FRMD4A: variants seen among roughly 807,000 people sequenced by gnomAD.
The protein encoded by FRMD4A is FERM domain containing 4A.
A neutral mutation model predicts 129.1 loss-of-function variants in FRMD4A; 29 were observed. The ratio of observed to expected loss-of-function variants is 0.22; its 90% CI spans 0.17 to 0.31. FRMD4A has a LOEUF of 0.31. Among genes scored for constraint, FRMD4A ranks in the 10% least tolerant of loss-of-function variants. The pLI, the probability that FRMD4A is intolerant of heterozygous loss-of-function variation, is 1.00. For missense variants in FRMD4A, 1,272 were observed against 1,375.8 expected (o/e 0.92, Z 1.19); for synonymous variants, 634 against 571.6 (o/e 1.11, Z -1.56).
chr10:13,899,160 TATAAA>T (rs57444575), intron 2 of FRMD4A, among the ~76,000 whole-genome samples: 6 of 151,412 alleles, frequency 4.0e-5, no homozygotes, highest in Admixed American at 1.3e-4. Flanking sequence ...AGACCCTGTC[TATAAA>T]ATAAAATAAA....
Position 14,330,123 on chromosome 10 carries a change from GA to G in FRMD4A, c.-22del. 1 of 1,551,346 alleles carries G rather than the reference GA, an allele frequency of 6.4e-7. No homozygotes were observed. The highest frequency in any genetic ancestry group is 1.2e-5 in the South Asian group (1 of 84,044). On this transcript the variant is annotated 5_prime_UTR_variant, in exon 2 of 25. Coordinates refer to ENST00000357447, the MANE Select transcript of FRMD4A (RefSeq NM_018027.5). ...GCCATGGTCTCCGATTCCCATGCAC[GA>G]ATCCTGCTGCCGAGTCAGTCCTCCT...
chr10:14,181,712 A>T (rs1198361261), intron 2 of FRMD4A, among the ~76,000 whole-genome samples: 2 of 152,090 alleles, frequency 1.3e-5, no homozygotes, highest in African/African-American at 2.4e-5. Flanking sequence ...TTTATTTGAG[A>T]TAGGGTCTCA....
intron 2 of FRMD4A, among the ~76,000 whole-genome samples, chr10:14,186,430 G>A (rs925148120): frequency 1.4e-4 from 21 of 152,094 alleles, no homozygotes; most frequent in African/African-American, 4.1e-4. Flanking sequence ...AATCCACCCC[G>A]TAAACCTCTT....
intron 22 of FRMD4A, chr10:13,655,543 C>T (rs2082067932): frequency 1.0e-5 from 1 of 98,892 alleles, no homozygotes; most frequent in Non-Finnish European, 2.0e-5. Context: ...GCCAGTGGAC[C>T]CTAATAAACG....
intron 2 of FRMD4A, among the ~76,000 whole-genome samples, chr10:14,099,280 TA>T (rs1309731663): frequency 1.3e-5 from 2 of 152,066 alleles, no homozygotes; most frequent in Non-Finnish European, 2.9e-5. Context: ...ATATGTACAG[TA>T]AAACGCTCAA....
At chr10:13,790,251 G>C (rs1009913254) in intron 5 of FRMD4A, among the ~76,000 whole-genome samples, 1 of 152,156 alleles carries the variant, frequency 6.6e-6, no homozygotes, top group African/African-American at 2.4e-5. Flanking sequence ...AGGTGACAAC[G>C]AAAGGGGAGC....
intron 2 of FRMD4A, among the ~76,000 whole-genome samples, chr10:14,285,515 C>T (rs1441510698): frequency 6.6e-6 from 1 of 152,234 alleles, no homozygotes; most frequent in Admixed American, 6.5e-5. Context: ...AAGCAAAATC[C>T]TAATATCCCT....
chr10:13,987,519 C>T (rs1431566057), intron 2 of FRMD4A, among the ~76,000 whole-genome samples: 3 of 152,152 alleles, frequency 2.0e-5, no homozygotes, highest in African/African-American at 2.4e-5. Flanking sequence ...TACTTGAGTT[C>T]GCCCAACGTC....
Position 14,322,646 on chromosome 10 carries a change from C to A in FRMD4A, c.45+7412G>T, listed in dbSNP as rs182776643. ...TTTCAATATCCAGGATTATAAAAAG[C>A]ACTCATCACAATGCAACAGAAGTTG... On this transcript the variant is annotated intron_variant, in intron 2 of 24. Transcript: ENST00000357447. Among the ~76,000 whole-genome samples the A allele has an allele frequency of 1.8e-4, 27 of 152,286 alleles. 1 individual carries two copies. Among genetic ancestry groups the A allele is most frequent in the African/African-American group, 6.5e-4 (27 of 41,542 alleles).
chr10:14,291,651 C>T (rs1845853283), intron 2 of FRMD4A, among the ~76,000 whole-genome samples: 1 of 151,972 alleles, frequency 6.6e-6, no homozygotes, highest in African/African-American at 2.4e-5. Flanking sequence ...ACTTCATTTT[C>T]CAGATATCTT....
intron 2 of FRMD4A, among the ~76,000 whole-genome samples, chr10:14,185,686 A>G (rs80195309): frequency 0.01 from 1,545 of 152,238 alleles, 26 homozygotes; most frequent in African/African-American, 0.036. Context: ...AAGAGAGGAT[A>G]GCAGCAGCTC....
intron 2 of FRMD4A, among the ~76,000 whole-genome samples, chr10:14,041,708 C>T (rs1174369457): frequency 3.3e-5 from 5 of 152,068 alleles, no homozygotes; most frequent in South Asian, 2.1e-4. Context: ...AAGGTAGAAT[C>T]GTATAATGGG....
chr10:14,127,595 G>T (rs929898433), intron 2 of FRMD4A, among the ~76,000 whole-genome samples: 7 of 152,140 alleles, frequency 4.6e-5, no homozygotes, highest in African/African-American at 4.8e-5. Context: ...CTGAAAAATA[G>T]AATAATGATA....
intron 2 of FRMD4A, among the ~76,000 whole-genome samples, chr10:14,162,630 G>GTTTTTTT (rs556368229): frequency 5.1e-5 from 6 of 117,298 alleles, no homozygotes; most frequent in African/African-American, 1.4e-4. Context: ...GAGTTTCTCT[G>GTTTTTTT]TTTTTTTTTT....
chr10:13,929,531 A>G (rs2095170722), intron 2 of FRMD4A, among the ~76,000 whole-genome samples: 1 of 152,160 alleles, frequency 6.6e-6, no homozygotes, highest in Non-Finnish European at 1.5e-5. Flanking sequence ...AAGAACCAAC[A>G]TCACCTCTGG....
At chr10:13,659,867 C>CAA (rs35841565) in intron 20 of FRMD4A, among the ~76,000 whole-genome samples, 4 of 151,388 alleles carry the variant, frequency 2.6e-5, no homozygotes, top group Non-Finnish European at 5.9e-5. Flanking sequence ...CCTTCCCCCC[C>CAA]AAAAAAAACC....
intron 12 of FRMD4A, among the ~76,000 whole-genome samples, chr10:13,710,152 G>A (rs1354331645): frequency 6.6e-6 from 1 of 152,102 alleles, no homozygotes; most frequent in Non-Finnish European, 1.5e-5. Context: ...GGGCAGGCCT[G>A]GGAGGTGGAA....
rs117203667 is a variant in FRMD4A at position 13,812,968 on chromosome 10, A to G, written c.112-2060T>C. Among the ~76,000 whole-genome samples, 282 of 152,346 alleles carry G rather than the reference A, an allele frequency of 1.9e-3. 3 individuals are homozygous for G. Among genetic ancestry groups the G allele is most frequent in the South Asian group, 5.8e-3 (28 of 4,828 alleles). Reference sequence around the variant, plus strand: ...GTGGAGTAAACGTGGCACATCTCAGAAGGTCGCTGATGAATTACGAAGTAG... The same window carrying G: ...GTGGAGTAAACGTGGCACATCTCAGGAGGTCGCTGATGAATTACGAAGTAG... On this transcript the variant is annotated intron_variant, in intron 3 of 24. Transcript: ENST00000357447.
chr10:14,134,248 A>AATGGATGG (rs60021621), intron 2 of FRMD4A, among the ~76,000 whole-genome samples: 9,442 of 149,734 alleles, frequency 0.063, 346 homozygotes, highest in East Asian at 0.097. Context: ...AATTGGAAAG[A>AATGGATGG]ATGGATGGAT....
Sources: gnomAD v4.1 joint callset for allele counts (sites outside exome capture counted in the v4.1 genomes callset) on GRCh38, gnomAD v4.1.1 for gene constraint, MANE v1.5 for transcripts, NCBI Gene and HGNC (gene_info 2026-07-23, HGNC 2026-07-21) for gene names.